Variants in TBCCD1 observed in about 807,000 individuals in gnomAD.
TBCCD1 encodes TBCC domain containing 1.
TBCCD1 carries 26 observed loss-of-function variants against 53.4 expected under a neutral mutation model. The ratio of observed to expected loss-of-function variants is 0.49; its 90% confidence interval spans 0.36 to 0.68. The LOEUF (loss-of-function observed/expected upper bound fraction) is 0.68. TBCCD1 is among the 30% of genes least tolerant of loss of function. TBCCD1 has a pLI of 0.00. For missense variants in TBCCD1, 558 were observed against 669.5 expected (o/e 0.83, Z 1.84); for synonymous variants, 245 against 241.7 (o/e 1.01, Z -0.13).
intron 2 of TBCCD1, among the ~76,000 whole-genome samples, chr3:186,562,394 G>A (rs1714713336): frequency 6.6e-6 from 1 of 152,150 alleles, no homozygotes; most frequent in Non-Finnish European, 1.5e-5. Context: ...AACATGGATG[G>A]ACCTGGAGGA....
At chr3:186,562,137 T>G (rs1453500386) in intron 2 of TBCCD1, among the ~76,000 whole-genome samples, 1 of 151,276 alleles carries the variant, frequency 6.6e-6, no homozygotes, top group Non-Finnish European at 1.5e-5. Context: ...AGGCCAAGAG[T>G]TCAAGACCAG....
At position 186,548,837 on chromosome 3, in the gene TBCCD1, CAAAG is replaced by C. The variant is rs569068421; in HGVS notation, c.*22-1886_*22-1883del. Among the ~76,000 whole-genome samples, 55 of 151,872 alleles carry C rather than the reference CAAAG, an allele frequency of 3.6e-4. No individual in the cohort carries two copies. In the South Asian group the frequency reaches 0.01, roughly 29 times the overall value. On this transcript the variant is annotated intron_variant, in intron 7 of 7. Coordinates refer to ENST00000338733, the MANE Select transcript of TBCCD1 (RefSeq NM_018138.5). ...CAATACTGTGTGATCTTGAAAAAAACAAAGAGAGTAGATTTTAAGTGTTCTCACT... is the reference window on the plus strand; with the variant it reads ...CAATACTGTGTGATCTTGAAAAAAACAGAGTAGATTTTAAGTGTTCTCACT...
Position 186,563,290 on chromosome 3 carries a change from T to A in TBCCD1, c.336+704A>T, listed in dbSNP as rs113669734. The stretch of plus-strand genomic sequence containing the variant: ...CTACTTGATTAATATACTTTCTCTG[T>A]GAAGTCTTTCCTTATCACTGAAATA... On this transcript the variant is annotated intron_variant, in intron 2 of 7. Coordinates refer to ENST00000338733, the MANE Select transcript of TBCCD1 (RefSeq NM_018138.5). 7.6e-3 allele frequency among the ~76,000 whole-genome samples: 1,154 copies of A among 152,376 alleles called. 7 individuals are homozygous for A. The highest frequency in any genetic ancestry group is 0.013 in the Non-Finnish European group (869 of 68,036).
chr3:186,557,886 A>G (rs769219314), intron 3 of TBCCD1, among the ~76,000 whole-genome samples: 3 of 152,208 alleles, frequency 2.0e-5, no homozygotes, highest in Non-Finnish European at 2.9e-5. Flanking sequence ...AAGTTTTTCA[A>G]TATACTTACA....
intron 7 of TBCCD1, 107 bp downstream of exon 7, chr3:186,551,022 G>T: frequency 8.5e-7 from 1 of 1,180,566 alleles, no homozygotes; most frequent in Non-Finnish European, 1.2e-6. Flanking sequence ...GCTGGTAGGA[G>T]CGGTAGAAAA....
In TBCCD1 at chr3:186,546,278, CTTAT is replaced by C. The variant is rs1256624705; in HGVS notation, c.*695_*698del. 6.6e-6 allele frequency: 1 copy of C among 152,036 alleles called. No individual in the cohort carries two copies. The highest frequency in any genetic ancestry group is 2.4e-5 in the African/African-American group (1 of 41,382). The allele number at this position is 152,036 out of a possible 1,614,324, so 9.4% of individuals were successfully genotyped here. A position where few individuals can be genotyped will look rare whatever the true frequency, so the allele number is the denominator to read the frequency against. ...AATAGTTACAAAGAACTATAAAACTCTTATTTAACTCTAGAAAGAATAAAACTCT... is the reference window on the plus strand; with the variant it reads ...AATAGTTACAAAGAACTATAAAACTCTTAACTCTAGAAAGAATAAAACTCT... On this transcript the variant is annotated 3_prime_UTR_variant, in exon 8 of 8. Transcript: ENST00000338733.
intron 1 of TBCCD1, among the ~76,000 whole-genome samples, chr3:186,565,875 C>G (rs760044545): frequency 6.6e-6 from 1 of 152,110 alleles, no homozygotes; most frequent in Admixed American, 6.5e-5. Flanking sequence ...TCAAATTGTA[C>G]CATCCTTTGA....
chr3:186,559,670 C>T (rs1198446439), intron 2 of TBCCD1, among the ~76,000 whole-genome samples: 2 of 152,196 alleles, frequency 1.3e-5, no homozygotes, highest in Non-Finnish European at 2.9e-5. Context: ...ATTTAATCAA[C>T]TAACAATGTG....
intron 2 of TBCCD1, 61 bp from the exon 3 acceptor site, chr3:186,558,633 A>G: frequency 1.9e-6 from 3 of 1,545,640 alleles, no homozygotes; most frequent in Non-Finnish European, 2.6e-6. Context: ...CTAGTCTAAC[A>G]ACTAAGTAGA....
upstream of TBCCD1, chr3:186,570,263 G>A (rs919802886): frequency 1.4e-5 from 8 of 574,352 alleles, no homozygotes; most frequent in African/African-American, 1.3e-4. Context: ...AACTGTTCCC[G>A]CTCATTCGGC....
chr3:186,556,581 A>G lies in TBCCD1; in HGVS notation c.687T>C (p.Leu229=). Residue 229 remains leucine (L), a synonymous_variant, in exon 4 of 8, where the codon CTT becomes CTC. Transcript: ENST00000338733. The stretch of plus-strand genomic sequence containing the variant: ...GTGGTTGCCACAGTGCAAGTTCATG[A>G]AGTGGATAGATCTTCCTGGCTCTAC... The part of the protein sequence containing the change: ...TISRARKIYP[L]HELALWQPLH... 2 of 1,614,198 alleles carry G rather than the reference A, an allele frequency of 1.2e-6. No homozygotes were observed. The highest frequency in any genetic ancestry group is 1.7e-6 in the Non-Finnish European group (2 of 1,180,030).
intron 6 of TBCCD1, 83 bp downstream of exon 6, chr3:186,554,171 C>T (rs1253182484): frequency 1.3e-6 from 2 of 1,566,062 alleles, no homozygotes; most frequent in African/African-American, 2.8e-5. Flanking sequence ...TACTTTAGCA[C>T]AGCTGTAAAA....
At chr3:186,550,027 G>T (rs760628964) in intron 7 of TBCCD1, among the ~76,000 whole-genome samples, 10 of 151,998 alleles carry the variant, frequency 6.6e-5, no homozygotes, top group Non-Finnish European at 1.3e-4. Flanking sequence ...AGGAGTTCAA[G>T]ATCAGCCCAG....
intron 3 of TBCCD1, among the ~76,000 whole-genome samples, chr3:186,557,245 T>C (rs956046298): frequency 5.3e-5 from 8 of 152,228 alleles, no homozygotes; most frequent in East Asian, 1.9e-4. Context: ...TGAAGTCTCA[T>C]AGTCATTCAG....
chr3:186,560,079 T>C (rs1014356999), intron 2 of TBCCD1, among the ~76,000 whole-genome samples: 1 of 152,118 alleles, frequency 6.6e-6, no homozygotes. Context: ...TCCCTGATTT[T>C]ATATATACTT....
At chr3:186,556,827 TA>T (rs767166599) in intron 3 of TBCCD1, 52 bp from the exon 4 acceptor site, 4 of 1,542,216 alleles carry the variant, frequency 2.6e-6, no homozygotes, top group Non-Finnish European at 3.5e-6. Context: ...CCACAAGATC[TA>T]AAATTTCTAT....
chr3:186,558,503 T>C lies in TBCCD1; in HGVS notation c.406A>G (p.Thr136Ala). 1 of 1,614,178 alleles carries C rather than the reference T, an allele frequency of 6.2e-7. No homozygotes were observed. The highest frequency in any genetic ancestry group is 1.7e-5 in the Admixed American group (1 of 60,022). ...IQQLNKVSLR[T>A]SLIGEEWPSP... ...GGCCACTCTTCGCCAATCAAAGATG[T>C]CCTTAGGGAGACCTTGTTCAACTGT... is the stretch of plus-strand genomic sequence containing the variant. The change falls in exon 3 of 8, where the codon ACA becomes GCA. Residue 136 changes from threonine (T) to alanine (A), a missense_variant. By Grantham distance (58) the Thr-to-Ala change is moderately conservative. Transcript: ENST00000338733.
chr3:186,556,370 G>T, intron 4 of TBCCD1, 39 bp downstream of exon 4: 2 of 1,564,884 alleles, frequency 1.3e-6, no homozygotes, highest in Non-Finnish European at 1.7e-6. Flanking sequence ...TCCTTAAGTT[G>T]TCATTCAATT....
chr3:186,552,650 T>G (rs1387116010), intron 6 of TBCCD1, among the ~76,000 whole-genome samples: 1 of 152,214 alleles, frequency 6.6e-6, no homozygotes, highest in African/African-American at 2.4e-5. Context: ...CACTTCCAGA[T>G]AGTCCTGCTT....
Sources: allele counts gnomAD v4.1 joint callset (sites outside exome capture counted in the v4.1 genomes callset), GRCh38; gene constraint gnomAD v4.1.1; transcripts MANE v1.5; gene names NCBI Gene and HGNC (gene_info 2026-07-23, HGNC 2026-07-21).